ACTL10: variants seen among roughly 807,000 people sequenced by gnomAD.
The protein encoded by ACTL10 is actin like 10.
For missense variants in ACTL10, 413 were observed against 359.4 expected, an observed-to-expected ratio of 1.15 and a Z score of -1.21; for synonymous variants, 180 against 169.9, an observed-to-expected ratio of 1.06 and a Z score of -0.46.
Position 33,667,976 on chromosome 20 carries a change from C to A in ACTL10, c.479C>A (p.Ala160Glu), listed in dbSNP as rs2017728864. The change falls in exon 1 of 1, where the codon GCA becomes GAA. Residue 160 changes from alanine to glutamate, a missense_variant. Transcript: ENST00000677665. ...KMPKTLRTRL[A>E]DTVVLAGGST... The stretch of plus-strand genomic sequence containing the variant: ...CCCAAAACGCTGCGGACACGCCTGG[C>A]AGACACCGTGGTGCTAGCCGGCGGC... 6.5e-7 allele frequency: 1 copy of A among 1,549,160 alleles called. No homozygotes were observed. The highest frequency in any genetic ancestry group is 8.7e-7 in the Non-Finnish European group (1 of 1,146,576).
Position 33,667,837 on chromosome 20 carries a change from G to A in ACTL10, c.340G>A (p.Val114Ile), listed in dbSNP as rs144190881. 109 of 1,610,814 alleles carry A rather than the reference G, an allele frequency of 6.8e-5. No homozygotes were observed. The African/African-American group carries it at 1.2e-3, about 18-fold the overall frequency. Reference protein sequence around the residue: ...ASFSVGNGCCVCLSSERFRCP... With the variant: ...ASFSVGNGCCICLSSERFRCP... ...TTTCAGCGTGGGTAACGGGTGCTGC[G>A]TCTGCCTCAGCAGTGAGCGCTTCCG... The change falls in exon 1 of 1, where the codon GTC becomes ATC. Residue 114 changes from valine to isoleucine, a missense_variant. Coordinates refer to ENST00000677665, the MANE Select transcript of ACTL10 (RefSeq NM_001024675.2).
chr20:33,668,152 C>A lies in ACTL10; in HGVS notation c.655C>A (p.Leu219Met). 1 of 1,612,742 alleles carries A rather than the reference C, an allele frequency of 6.2e-7. No homozygotes were observed. ...GACCGGCGGCTCCATGGTGGCCTCC[C>A]TGCACTCCTTCCAGCGCCGCTGGAT... ...VWTGGSMVAS[L>M]HSFQRRWITR... is the part of the protein sequence containing the mutation. The change falls in exon 1 of 1, where the codon CTG (leucine) becomes ATG (methionine). Residue 219 changes from leucine (L) to methionine (M), a missense_variant. Leu to Met is a conservative substitution (Grantham distance 15, BLOSUM62 2). Coordinates refer to ENST00000677665, the MANE Select transcript of ACTL10 (RefSeq NM_001024675.2).
In ACTL10 at chr20:33,668,024, C is replaced by A; in HGVS notation, c.527C>A (p.Ala176Asp). 1 of 1,543,576 alleles carries A rather than the reference C, an allele frequency of 6.5e-7. No homozygotes were observed. Among genetic ancestry groups the A allele is most frequent in the South Asian group, 1.2e-5 (1 of 84,570 alleles). Residue 176 changes from alanine to aspartate, a missense_variant, in exon 1 of 1, where the codon GCC becomes GAC. Physicochemically the swap from Ala to Asp is moderately radical, Grantham distance 126. Coordinates refer to ENST00000677665, the MANE Select transcript of ACTL10 (RefSeq NM_001024675.2). ...GGCTCCACACTGTTTCCTGGCTTCGCCGAGCGCCTGGACAAGGAGCTGGAG... is the reference window on the plus strand; with the variant it reads ...GGCTCCACACTGTTTCCTGGCTTCGACGAGCGCCTGGACAAGGAGCTGGAG... ...AGGSTLFPGF[A>D]ERLDKELEAQ... is the part of the protein sequence containing the mutation.
In ACTL10 at chr20:33,667,650, C is replaced by G. The variant is rs1488400469; in HGVS notation, c.153C>G (p.Thr51=). The stretch of plus-strand genomic sequence containing the variant: ...TCCGACTGAACGTGGCAGGCAGCAC[C>G]CTGTCGCGCTACCTGCGGGATCTGC... ...ATFRLNVAGS[T]LSRYLRDLLV... The change falls in exon 1 of 1, where the codon ACC becomes ACG. Residue 51 remains threonine, a synonymous_variant. Coordinates refer to ENST00000677665, the MANE Select transcript of ACTL10 (RefSeq NM_001024675.2). 1 of 1,609,274 alleles carries G rather than the reference C, an allele frequency of 6.2e-7. No homozygotes were observed.
In ACTL10 at chr20:33,667,366, C is replaced by CTGGT; in HGVS notation, c.-131_-128dup. The CTGGT allele has an allele frequency of 8.3e-7, 1 of 1,201,220 alleles. No individual in the cohort carries two copies. The allele number at this position is 1,201,220 out of a possible 1,614,324, so 74.4% of individuals were successfully genotyped here. On this transcript the variant is annotated 5_prime_UTR_variant, in exon 1 of 1. Coordinates refer to ENST00000677665, the MANE Select transcript of ACTL10 (RefSeq NM_001024675.2). ...GCTGGAAGGGCTGTGGGAGCGCCTG[C>CTGGT]TGGTGGGCGGCCTGCGGGTGTGCCC...
At position 33,667,989 on chromosome 20, in the gene ACTL10, G is replaced by A; in HGVS notation, c.492G>A (p.Val164=). The change falls in exon 1 of 1, where the codon GTG becomes GTA. Residue 164 remains valine (V), a synonymous_variant. Coordinates refer to ENST00000677665, the MANE Select transcript of ACTL10 (RefSeq NM_001024675.2). ...TLRTRLADTV[V]LAGGSTLFPG... ...GGACACGCCTGGCAGACACCGTGGT[G>A]CTAGCCGGCGGCTCCACACTGTTTC... 6.5e-7 allele frequency: 1 copy of A among 1,547,086 alleles called. No individual in the cohort carries two copies.
At position 33,668,210 on chromosome 20, in the gene ACTL10, G is replaced by A; in HGVS notation, c.713G>A (p.Arg238Lys). Reference protein sequence around the residue: ...TRAMYQECGSRLLYDVFN With the variant: ...TRAMYQECGSKLLYDVFN ...GCCATGTACCAGGAGTGTGGCTCCAGGCTGCTGTACGATGTGTTCAACTGA... is the reference window on the plus strand; with the variant it reads ...GCCATGTACCAGGAGTGTGGCTCCAAGCTGCTGTACGATGTGTTCAACTGA... The change falls in exon 1 of 1, where the codon AGG (arginine) becomes AAG (lysine). Residue 238 changes from arginine to lysine, a missense_variant. Arg to Lys is a conservative substitution (Grantham distance 26, BLOSUM62 2). Transcript: ENST00000677665. 6.2e-7 allele frequency: 1 copy of A among 1,603,610 alleles called. No homozygotes were observed. The highest frequency in any genetic ancestry group is 2.2e-5 in the East Asian group (1 of 44,758).
At position 33,668,013 on chromosome 20, in the gene ACTL10, T is replaced by C. The variant is rs749046923; in HGVS notation, c.516T>C (p.Phe172=). 3 of 1,542,260 alleles carry C rather than the reference T, an allele frequency of 1.9e-6. No homozygotes were observed. Among genetic ancestry groups the C allele is most frequent in the Non-Finnish European group, 2.6e-6 (3 of 1,142,154 alleles). Residue 172 remains phenylalanine, a synonymous_variant, in exon 1 of 1, where the codon TTT becomes TTC. Transcript: ENST00000677665. ...TGCTAGCCGGCGGCTCCACACTGTTTCCTGGCTTCGCCGAGCGCCTGGACA... is the reference window on the plus strand; with the variant it reads ...TGCTAGCCGGCGGCTCCACACTGTTCCCTGGCTTCGCCGAGCGCCTGGACA... ...TVVLAGGSTL[F]PGFAERLDKE...
At position 33,667,836 on chromosome 20, in the gene ACTL10, C is replaced by T. The variant is rs770918179; in HGVS notation, c.339C>T (p.Cys113=). The T allele has an allele frequency of 5.6e-6, 9 of 1,610,854 alleles. No individual in the cohort carries two copies. Among genetic ancestry groups the T allele is most frequent in the African/African-American group, 5.3e-5 (4 of 74,880 alleles). Residue 113 remains cysteine, a synonymous_variant, in exon 1 of 1, where the codon TGC becomes TGT. Transcript: ENST00000677665. ...PASFSVGNGC[C]VCLSSERFRC... is the part of the protein sequence containing the mutation. ...GTTTCAGCGTGGGTAACGGGTGCTG[C>T]GTCTGCCTCAGCAGTGAGCGCTTCC...
In ACTL10 at chr20:33,667,994, C is replaced by T. The variant is rs1189243529; in HGVS notation, c.497C>T (p.Ala166Val). 5.8e-6 allele frequency: 9 copies of T among 1,546,354 alleles called. No individual in the cohort carries two copies. The highest frequency in any genetic ancestry group is 2.4e-5 in the East Asian group (1 of 40,866). Residue 166 changes from alanine (A) to valine (V), a missense_variant, in exon 1 of 1, where the codon GCC (alanine) becomes GTC (valine). By Grantham distance (64) the Ala-to-Val change is moderately conservative. Coordinates refer to ENST00000677665, the MANE Select transcript of ACTL10 (RefSeq NM_001024675.2). ...RTRLADTVVL[A>V]GGSTLFPGFA... ...CGCCTGGCAGACACCGTGGTGCTAG[C>T]CGGCGGCTCCACACTGTTTCCTGGC...
chr20:33,667,683 G>A lies in ACTL10; in HGVS notation c.186G>A (p.Ala62=), dbSNP rs201625301. Residue 62 remains alanine (A), a synonymous_variant, in exon 1 of 1, where the codon GCG becomes GCA. Transcript: ENST00000677665. ...LSRYLRDLLV[A]ANPDLLQQAL... ...GCTACCTGCGGGATCTGCTGGTGGCGGCGAACCCTGACCTCTTGCAGCAGG... is the reference window on the plus strand; with the variant it reads ...GCTACCTGCGGGATCTGCTGGTGGCAGCGAACCCTGACCTCTTGCAGCAGG... 1.1e-4 allele frequency: 182 copies of A among 1,611,846 alleles called. No homozygotes were observed. The East Asian group carries it at 3.6e-3, about 32-fold the overall frequency.
rs2017690424 is a variant in ACTL10 at position 33,667,374 on chromosome 20, C to T, written c.-124C>T. 4 of 1,233,670 alleles carry T rather than the reference C, an allele frequency of 3.2e-6. No individual in the cohort carries two copies. The highest frequency in any genetic ancestry group is 4.1e-6 in the Non-Finnish European group (4 of 964,494). 76.4% of individuals were successfully genotyped at this position (1,233,670 alleles called of 1,614,324 possible). A position where few individuals can be genotyped will look rare whatever the true frequency, so the allele number is the denominator to read the frequency against. ...GGCTGTGGGAGCGCCTGCTGGTGGGCGGCCTGCGGGTGTGCCCAGAGCAGT... is the reference window on the plus strand; with the variant it reads ...GGCTGTGGGAGCGCCTGCTGGTGGGTGGCCTGCGGGTGTGCCCAGAGCAGT... On this transcript the variant is annotated 5_prime_UTR_variant, in exon 1 of 1. Coordinates refer to ENST00000677665, the MANE Select transcript of ACTL10 (RefSeq NM_001024675.2).
rs1466731919 is a variant in ACTL10 at position 33,667,773 on chromosome 20, G to T, written c.276G>T (p.Glu92Asp). ...KRSCYVSLDF[E>D]GDLRDPARHH... ...GCTGCTACGTGTCCCTGGACTTCGA[G>T]GGCGACCTCCGCGACCCCGCCCGCC... is the stretch of plus-strand genomic sequence containing the variant. The change falls in exon 1 of 1, where the codon GAG becomes GAT. Residue 92 changes from glutamate to aspartate, a missense_variant. Glu to Asp is a conservative substitution (Grantham distance 45). Transcript: ENST00000677665. 1 of 1,612,584 alleles carries T rather than the reference G, an allele frequency of 6.2e-7. No individual in the cohort carries two copies. Among genetic ancestry groups the T allele is most frequent in the Admixed American group, 1.7e-5 (1 of 60,018 alleles).
rs768988373 is a variant in ACTL10 at position 33,668,164 on chromosome 20, C to T, written c.667C>T (p.Gln223Ter). 1 of 1,612,524 alleles carries T rather than the reference C, an allele frequency of 6.2e-7. No individual in the cohort carries two copies. Among genetic ancestry groups the T allele is most frequent in the Non-Finnish European group, 8.5e-7 (1 of 1,179,602 alleles). Residue 223 changes from glutamine to a stop codon, truncating the protein, a stop_gained, in exon 1 of 1, where the codon CAG becomes TAG. Transcript: ENST00000677665. LOFTEE classifies it high-confidence loss of function. ...GSMVASLHSF[Q>*]RRWITRAMYQ... ...CATGGTGGCCTCCCTGCACTCCTTC[C>T]AGCGCCGCTGGATAACTCGGGCCAT...
chr20:33,667,556 T>C lies in ACTL10; in HGVS notation c.59T>C (p.Val20Ala), dbSNP rs750245382. Reference sequence around the variant, plus strand: ...ACCGGCGCGTTCAGCGGGCTGGCCGTGGAGGCGGGCGCGGGCGTGTGCCAC... The same window carrying C: ...ACCGGCGCGTTCAGCGGGCTGGCCGCGGAGGCGGGCGCGGGCGTGTGCCAC... ...CSTGAFSGLA[V>A]EAGAGVCHAT... Residue 20 changes from valine (V) to alanine (A), a missense_variant, in exon 1 of 1, where the codon GTG becomes GCG. Val to Ala is a moderately conservative substitution (Grantham distance 64). Coordinates refer to ENST00000677665, the MANE Select transcript of ACTL10 (RefSeq NM_001024675.2). The C allele has an allele frequency of 1.5e-5, 23 of 1,553,670 alleles. No individual in the cohort carries two copies. The East Asian group carries it at 2.2e-4, about 15-fold the overall frequency.
At position 33,667,733 on chromosome 20, in the gene ACTL10, A is replaced by G. The variant is rs1378081267; in HGVS notation, c.236A>G (p.His79Arg). ...QQALPRKAIT[H>R]LKKRSCYVSL... is the part of the protein sequence containing the mutation. ...GCCCTGCCCCGCAAGGCCATCACAC[A>G]TCTCAAGAAGCGCAGCTGCTACGTG... Residue 79 changes from histidine to arginine, a missense_variant, in exon 1 of 1, where the codon CAT becomes CGT. By Grantham distance (29) the His-to-Arg change is conservative (BLOSUM62 0). Transcript: ENST00000677665. 6.2e-7 allele frequency: 1 copy of G among 1,612,158 alleles called. No homozygotes were observed. Among genetic ancestry groups the G allele is most frequent in the South Asian group, 1.1e-5 (1 of 91,066 alleles).
In ACTL10 at chr20:33,668,167, C is replaced by A; in HGVS notation, c.670C>A (p.Arg224Ser). 2 of 1,612,370 alleles carry A rather than the reference C, an allele frequency of 1.2e-6. No individual in the cohort carries two copies. The highest frequency in any genetic ancestry group is 1.7e-4 in the Middle Eastern group (1 of 6,054). Residue 224 changes from arginine (R) to serine (S), a missense_variant, in exon 1 of 1, where the codon CGC becomes AGC. Transcript: ENST00000677665. ...SMVASLHSFQ[R>S]RWITRAMYQE... The stretch of plus-strand genomic sequence containing the variant: ...GGTGGCCTCCCTGCACTCCTTCCAG[C>A]GCCGCTGGATAACTCGGGCCATGTA...
In ACTL10 at chr20:33,668,041, G is replaced by A; in HGVS notation, c.544G>A (p.Glu182Lys). The A allele has an allele frequency of 6.4e-7, 1 of 1,553,182 alleles. No homozygotes were observed. The highest frequency in any genetic ancestry group is 8.7e-7 in the Non-Finnish European group (1 of 1,148,632). The part of the protein sequence containing the change: ...FPGFAERLDK[E>K]LEAQCRRHGY... ...TGGCTTCGCCGAGCGCCTGGACAAG[G>A]AGCTGGAGGCGCAGTGCCGGCGGCA... The change falls in exon 1 of 1, where the codon GAG (glutamate) becomes AAG (lysine). Residue 182 changes from glutamate to lysine, a missense_variant. Coordinates refer to ENST00000677665, the MANE Select transcript of ACTL10 (RefSeq NM_001024675.2).
At position 33,668,177 on chromosome 20, in the gene ACTL10, T is replaced by C. The variant is rs1198166399; in HGVS notation, c.680T>C (p.Ile227Thr). Residue 227 changes from isoleucine to threonine, a missense_variant, in exon 1 of 1, where the codon ATA (isoleucine) becomes ACA (threonine). Ile to Thr is a moderately conservative substitution (Grantham distance 89). Transcript: ENST00000677665. ...ASLHSFQRRW[I>T]TRAMYQECGS... Reference sequence around the variant, plus strand: ...CTGCACTCCTTCCAGCGCCGCTGGATAACTCGGGCCATGTACCAGGAGTGT... The same window carrying C: ...CTGCACTCCTTCCAGCGCCGCTGGACAACTCGGGCCATGTACCAGGAGTGT... The C allele has an allele frequency of 6.2e-7, 1 of 1,611,788 alleles. No individual in the cohort carries two copies. The highest frequency in any genetic ancestry group is 1.7e-5 in the Admixed American group (1 of 59,838).
Sources: gnomAD v4.1 joint callset for allele counts on GRCh38, gnomAD v4.1.1 for gene constraint, MANE v1.5 for transcripts, NCBI Gene and HGNC (gene_info 2026-07-23, HGNC 2026-07-21) for gene names.